Variants in PCDHA10 observed in about 807,000 individuals in gnomAD.
The protein encoded by PCDHA10 is protocadherin alpha-10.
Under a neutral mutation model 61.2 loss-of-function variants are expected in PCDHA10, and 45 were observed. The observed-to-expected ratio is 0.74, with a 90% CI of 0.58 to 0.94. The LOEUF (loss-of-function observed/expected upper bound fraction) is 0.94. PCDHA10 is among the 40% of genes least tolerant of loss of function. PCDHA10 has a pLI of 0.00. For missense variants in PCDHA10, 1,278 were observed against 1,236.2 expected, an observed-to-expected ratio of 1.03 and a Z score of -0.51; for synonymous variants, 602 against 548.8, an observed-to-expected ratio of 1.10 and a Z score of -1.35.
At position 140,856,085 on chromosome 5, in the gene PCDHA10, C is replaced by T. The variant is rs2043764270; in HGVS notation, c.37C>T (p.Leu13=). 5.0e-6 allele frequency: 8 copies of T among 1,596,290 alleles called. No homozygotes were observed. In the East Asian group the frequency reaches 1.8e-4, roughly 36 times the overall value. The change falls in exon 1 of 4, where the codon CTG becomes TTG. Residue 13 remains leucine, a synonymous_variant. Transcript: ENST00000307360. The part of the protein sequence containing the change: ...SRCSCLGVQC[L]LLSLLLLAAW... ...ATGTAGCTGCCTGGGGGTCCAGTGT[C>T]TGCTGCTCTCGCTTCTTCTCCTCGC...
At position 140,870,217 on chromosome 5, in the gene PCDHA10, A is replaced by G. The variant is rs911086777; in HGVS notation, c.2388+11781A>G. On this transcript the variant is annotated intron_variant, in intron 1 of 3. Coordinates refer to ENST00000307360, the MANE Select transcript of PCDHA10 (RefSeq NM_018901.4). ...GCCCAGCACGGTCATTGCCCTGATC[A>G]GCGTGTCTGACCGTGACTCAGGTGT... The G allele has an allele frequency of 5.6e-6, 9 of 1,614,144 alleles. No individual in the cohort carries two copies. The highest frequency in any genetic ancestry group is 3.3e-5 in the Admixed American group (2 of 60,034).
chr5:140,928,450 G>C, intron 1 of PCDHA10: 2 of 1,614,146 alleles, frequency 1.2e-6, no homozygotes, highest in Non-Finnish European at 8.5e-7. Flanking sequence ...GCAGCTCAGG[G>C]GGTTTCATTT....
chr5:140,885,410 G>A (rs1203684049), intron 1 of PCDHA10, among the ~76,000 whole-genome samples: 3 of 152,088 alleles, frequency 2.0e-5, no homozygotes, highest in Non-Finnish European at 4.4e-5. Flanking sequence ...TTTAATAGCT[G>A]TGTAGTATTC....
In PCDHA10 at chr5:140,858,421, G is replaced by A. The variant is rs782781172; in HGVS notation, c.2373G>A (p.Gly791=). The A allele has an allele frequency of 1.3e-6, 2 of 1,557,082 alleles. No individual in the cohort carries two copies. Among genetic ancestry groups the A allele is most frequent in the Non-Finnish European group, 1.7e-6 (2 of 1,143,188 alleles). The stretch of plus-strand genomic sequence containing the variant: ...ACGGGGAAGATCAGTCTATTGGAGG[G>A]GACCACTCTAGGAAGGTGGGTTATT... ...DVDGEDQSIG[G]DHSRKPRQPN... is the part of the protein sequence containing the mutation. The change falls in exon 1 of 4, where the codon GGG becomes GGA. Residue 791 remains glycine (G), a synonymous_variant. Transcript: ENST00000307360.
Position 140,857,403 on chromosome 5 carries a change from C to T in PCDHA10, c.1355C>T (p.Pro452Leu), listed in dbSNP as rs782020024. The T allele has an allele frequency of 1.3e-6, 2 of 1,598,418 alleles. No homozygotes were observed. The highest frequency in any genetic ancestry group is 2.7e-5 in the African/African-American group (2 of 74,364). The change falls in exon 1 of 4, where the codon CCT becomes CTT. Residue 452 changes from proline (P) to leucine (L), a missense_variant. Coordinates refer to ENST00000307360, the MANE Select transcript of PCDHA10 (RefSeq NM_018901.4). ...GTGGCCGACGTGAACGACAACGCGC[C>T]TGCGTTCGCGCAGTCCGAGTACACG... The part of the protein sequence containing the change: ...VEVADVNDNA[P>L]AFAQSEYTVF...
chr5:140,966,373 T>G (rs1554228235), intron 1 of PCDHA10: 1 of 404,624 alleles, frequency 2.5e-6, no homozygotes, highest in African/African-American at 2.1e-5. Flanking sequence ...GGCTGAGCAG[T>G]CCGGGTTCGC....
At chr5:140,983,783 G>A (rs2097068046) in intron 3 of PCDHA10, among the ~76,000 whole-genome samples, 1 of 152,130 alleles carries the variant, frequency 6.6e-6, no homozygotes, top group Non-Finnish European at 1.5e-5. Context: ...ATACATAACA[G>A]ATGACAGAAT....
chr5:140,999,751 G>A (rs1167424188), intron 3 of PCDHA10, among the ~76,000 whole-genome samples: 1 of 152,150 alleles, frequency 6.6e-6, no homozygotes, highest in Non-Finnish European at 1.5e-5. Flanking sequence ...TGGGTTCGCA[G>A]CACATGATGT....
rs201501759 is a variant in PCDHA10 at position 140,978,957 on chromosome 5, G to A, written c.2397G>A (p.Gln799=). The stretch of plus-strand genomic sequence containing the variant: ...TCTTTGTGATTTTGCAGCCACGACA[G>A]CCCAACCCTGACTGGCGTTACTCTG... ...IGGDHSRKPR[Q]PNPDWRYSAS... is the part of the protein sequence containing the mutation. Residue 799 remains glutamine, a synonymous_variant, in exon 2 of 4, where the codon CAG becomes CAA. Coordinates refer to ENST00000307360, the MANE Select transcript of PCDHA10 (RefSeq NM_018901.4). 56 of 1,614,040 alleles carry A rather than the reference G, an allele frequency of 3.5e-5. No individual in the cohort carries two copies. In the East Asian group the frequency reaches 1.1e-3, roughly 32 times the overall value.
At chr5:140,969,552 T>A in intron 1 of PCDHA10, 1 of 1,234,382 alleles carries the variant, frequency 8.1e-7, no homozygotes, top group Non-Finnish European at 1.1e-6. Flanking sequence ...CATGAAGCCT[T>A]GTCCATAAAA....
At chr5:140,980,837 A>T (rs1189348118) in intron 2 of PCDHA10, among the ~76,000 whole-genome samples, 1 of 152,160 alleles carries the variant, frequency 6.6e-6, no homozygotes, top group Non-Finnish European at 1.5e-5. Context: ...TGTGAACCTA[A>T]ATAATACTAA....
intron 1 of PCDHA10, among the ~76,000 whole-genome samples, chr5:140,898,580 T>G (rs541428438): frequency 2.9e-4 from 44 of 152,370 alleles, no homozygotes; most frequent in African/African-American, 1.0e-3. Flanking sequence ...CCATGCTGTT[T>G]TGGTTACTGT....
chr5:140,870,919 C>T (rs1562653740), intron 1 of PCDHA10: 1 of 1,613,952 alleles, frequency 6.2e-7, no homozygotes, highest in Non-Finnish European at 8.5e-7. Context: ...CAACGCGTGG[C>T]TTTCATATGA....
rs144442346 is a variant in PCDHA10 at position 140,929,817 on chromosome 5, G to A, written c.2389-49132G>A. 1,292 of 158,464 alleles carry A rather than the reference G, an allele frequency of 8.2e-3. 7 individuals are homozygous for A. Among genetic ancestry groups the A allele is most frequent in the African/African-American group, 0.019 (796 of 41,644 alleles). 9.8% of individuals were successfully genotyped at this position (158,464 alleles called of 1,614,324 possible). On this transcript the variant is annotated intron_variant, in intron 1 of 3. Coordinates refer to ENST00000307360, the MANE Select transcript of PCDHA10 (RefSeq NM_018901.4). The stretch of plus-strand genomic sequence containing the variant: ...ATGGGGGTTAAAAGAAGGGAGAAAG[G>A]GAACATAAGAGAACATTTGAGTGAG...
Position 140,883,664 on chromosome 5 carries a change from G to A in PCDHA10, c.2388+25228G>A, listed in dbSNP as rs200846533. The A allele has an allele frequency of 6.7e-5, 108 of 1,613,836 alleles. No individual in the cohort carries two copies. Among genetic ancestry groups the A allele is most frequent in the Non-Finnish European group, 8.9e-5 (105 of 1,179,872 alleles). On this transcript the variant is annotated intron_variant, in intron 1 of 3. Transcript: ENST00000307360. ...GCCCGAGTACACGGTGTTCGTGAAG[G>A]AAAACAATCCGCCGGGCTGCCACAT... is the stretch of plus-strand genomic sequence containing the variant.
intron 1 of PCDHA10, among the ~76,000 whole-genome samples, chr5:140,971,892 G>C (rs2096504766): frequency 6.6e-6 from 1 of 151,694 alleles, no homozygotes; most frequent in African/African-American, 2.4e-5. Context: ...AGCTCAGGGA[G>C]GTTAGGTAAT....
intron 1 of PCDHA10, among the ~76,000 whole-genome samples, chr5:140,947,509 T>C (rs1358803536): frequency 2.6e-5 from 4 of 151,722 alleles, no homozygotes; most frequent in Non-Finnish European, 4.4e-5. Flanking sequence ...AATTTTCATA[T>C]AAATTTTAGA....
In PCDHA10 at chr5:140,941,202, C is replaced by CCCTTCTTTCTTTCTTTCTTT; in HGVS notation, c.2389-37746_2389-37745insCTTCTTTCTTTCTTTCTTTC. Among the ~76,000 whole-genome samples, 3 of 122,832 alleles carry CCCTTCTTTCTTTCTTTCTTT rather than the reference C, an allele frequency of 2.4e-5. No homozygotes were observed. The East Asian group carries it at 6.6e-4, about 27-fold the overall frequency. The allele number at this position is 122,832 out of a possible 152,430, so 80.6% of individuals were successfully genotyped here. A position where few individuals can be genotyped will look rare whatever the true frequency, so the allele number is the denominator to read the frequency against. On this transcript the variant is annotated intron_variant, in intron 1 of 3. Transcript: ENST00000307360. ...TCCTGCTTCTTTTTTTTTCTTTCTT[C>CCCTTCTTTCTTTCTTTCTTT]CTTTCTTTCTTCCTTTCTTTCTTTC...
At chr5:140,966,809 C>T (rs1335148442) in intron 1 of PCDHA10, 5 of 1,547,376 alleles carry the variant, frequency 3.2e-6, no homozygotes, top group African/African-American at 1.4e-5. Flanking sequence ...AGAGCATCCA[C>T]GGCTCCGGCG....
Sources: allele counts gnomAD v4.1 joint callset (sites outside exome capture counted in the v4.1 genomes callset), GRCh38; gene constraint gnomAD v4.1.1; transcripts MANE v1.5; gene names NCBI Gene and HGNC (gene_info 2026-07-23, HGNC 2026-07-21).